ZFP36: variants seen among roughly 807,000 people sequenced by gnomAD.
The protein encoded by ZFP36 is mRNA decay activator protein ZFP36.
A neutral mutation model predicts 19.8 loss-of-function variants in ZFP36; 13 were observed. The ratio of observed to expected loss-of-function variants is 0.66; its 90% CI spans 0.43 to 1.04. ZFP36 has a LOEUF of 1.04. ZFP36 is among the 50% of genes least tolerant of loss of function. ZFP36 has a pLI of 0.00. For synonymous variants in ZFP36, 191 were observed against 194.5 expected, an observed-to-expected ratio of 0.98 and a Z score of 0.15; for missense variants, 354 against 441.6, an observed-to-expected ratio of 0.80 and a Z score of 1.78.
Position 39,406,933 on chromosome 19 carries a change from G to C in ZFP36, c.24+5G>C. On this transcript the variant is annotated splice_donor_5th_base_variant and intron_variant, in intron 1 of 1. Coordinates refer to ENST00000597629, the MANE Select transcript of ZFP36 (RefSeq NM_003407.5). ...GATCTGACTGCCATCTACGAGGTGAGTCCCCGCCGCACGGCATCCCCGGTA... is the reference window on the plus strand; with the variant it reads ...GATCTGACTGCCATCTACGAGGTGACTCCCCGCCGCACGGCATCCCCGGTA... The C allele has an allele frequency of 6.2e-7, 1 of 1,611,474 alleles. No homozygotes were observed. The highest frequency in any genetic ancestry group is 8.5e-7 in the Non-Finnish European group (1 of 1,179,306).
At position 39,407,846 on chromosome 19, in the gene ZFP36, C is replaced by T. The variant is rs576855622; in HGVS notation, c.128C>T (p.Ser43Phe). Reference protein sequence around the residue: ...GSSGPWSLSPSDSSPSGVTSR... With the variant: ...GSSGPWSLSPFDSSPSGVTSR... ...TCGGGACCCTGGAGCCTGAGCCCCT[C>T]CGACTCCAGCCCGTCTGGGGTCACC... Residue 43 changes from serine (S) to phenylalanine (F), a missense_variant, in exon 2 of 2, where the codon TCC becomes TTC. Transcript: ENST00000597629. The surrounding 1 kb of genome is among the most constrained non-coding windows in gnomAD (Gnocchi z 7.6). 176 of 1,606,280 alleles carry T rather than the reference C, an allele frequency of 1.1e-4. 3 individuals carry two copies. In the South Asian group the frequency reaches 1.8e-3, roughly 16 times the overall value.
chr19:39,406,964 A>G (rs769824832), intron 1 of ZFP36, 36 bp downstream of exon 1: 2 of 1,608,368 alleles, frequency 1.2e-6, no homozygotes, highest in Non-Finnish European at 1.7e-6. Flanking sequence ...CGGTACCTGC[A>G]TGCCTGAGTC....
At position 39,407,446 on chromosome 19, in the gene ZFP36, C is replaced by T. The variant is rs2078482733; in HGVS notation, c.25-297C>T. On this transcript the variant is annotated intron_variant, in intron 1 of 1. Coordinates refer to ENST00000597629, the MANE Select transcript of ZFP36 (RefSeq NM_003407.5). The surrounding 1 kb of genome is among the most constrained non-coding windows in gnomAD (Gnocchi z 7.6). ...GAGATCCCGACGCGTGGGTCATATC[C>T]GGGGAGGACAAGAGACCCAAAATTG... 2 of 422,560 alleles carry T rather than the reference C, an allele frequency of 4.7e-6. No homozygotes were observed. The highest frequency in any genetic ancestry group is 8.4e-6 in the Non-Finnish European group (2 of 238,850). The allele number at this position is 422,560 out of a possible 1,614,324, so 26.2% of individuals were successfully genotyped here. A position where few individuals can be genotyped will look rare whatever the true frequency, so the allele number is the denominator to read the frequency against.
At position 39,409,356 on chromosome 19, in the gene ZFP36, A is replaced by G. The variant is rs2078493867; in HGVS notation, c.*657A>G. ...ATTTAGTAATATATATTATTACCTT[A>G]AAAGTCTATTTTTGTGTTTTGGGCA... On this transcript the variant is annotated 3_prime_UTR_variant, in exon 2 of 2. Transcript: ENST00000597629. The G allele has an allele frequency of 6.6e-6, 1 of 152,198 alleles. No homozygotes were observed. Among genetic ancestry groups the G allele is most frequent in the African/African-American group, 2.4e-5 (1 of 41,410 alleles). 9.4% of individuals were successfully genotyped at this position (152,198 alleles called of 1,614,324 possible).
Position 39,408,653 on chromosome 19 carries a change from C to A in ZFP36, c.935C>A (p.Ala312Asp). The change falls in exon 2 of 2, where the codon GCC (alanine) becomes GAC (aspartate). Residue 312 changes from alanine (A) to aspartate (D), a missense_variant. Ala to Asp is a moderately radical substitution (Grantham distance 126). Coordinates refer to ENST00000597629, the MANE Select transcript of ZFP36 (RefSeq NM_003407.5). This position sits in a 1 kb window ranked among gnomAD's most constrained non-coding sequence, Gnocchi z 6.0. ...TTTGCACCACCCCAGCCCGTGGCAG[C>A]CCCCCGGCGACTCCCCATCTTCAAT... Reference protein sequence around the residue: ...GVFAPPQPVAAPRRLPIFNRI... With the variant: ...GVFAPPQPVADPRRLPIFNRI... The A allele has an allele frequency of 6.3e-7, 1 of 1,580,334 alleles. No individual in the cohort carries two copies. Among genetic ancestry groups the A allele is most frequent in the Non-Finnish European group, 8.6e-7 (1 of 1,166,390 alleles).
rs1402278123 is a variant in ZFP36 at position 39,408,386 on chromosome 19, G to A, written c.668G>A (p.Gly223Glu). 3 of 1,613,792 alleles carry A rather than the reference G, an allele frequency of 1.9e-6. No homozygotes were observed. Among genetic ancestry groups the A allele is most frequent in the Non-Finnish European group, 2.5e-6 (3 of 1,179,958 alleles). ...CCCTCCAGCTCCCCACCACCACCTG[G>A]GGACCTTCCACTGTCACCCTCTGCC... is the stretch of plus-strand genomic sequence containing the variant. Reference protein sequence around the residue: ...FSPSSSPPPPGDLPLSPSAFS... With the variant: ...FSPSSSPPPPEDLPLSPSAFS... Residue 223 changes from glycine (G) to glutamate (E), a missense_variant, in exon 2 of 2, where the codon GGG (glycine) becomes GAG (glutamate). Coordinates refer to ENST00000597629, the MANE Select transcript of ZFP36 (RefSeq NM_003407.5). This position sits in a 1 kb window ranked among gnomAD's most constrained non-coding sequence, Gnocchi z 6.0.
Position 39,408,127 on chromosome 19 carries a change from A to C in ZFP36, c.409A>C (p.Asn137His). ...AHGLGELRQA[N>H]RHPKYKTELC... ...TGGCCTGGGCGAGCTGCGCCAGGCC[A>C]ATCGCCACCCCAAATACAAGACGGA... is the stretch of plus-strand genomic sequence containing the variant. The change falls in exon 2 of 2, where the codon AAT (asparagine) becomes CAT (histidine). Residue 137 changes from asparagine (N) to histidine (H), a missense_variant. By Grantham distance (68) the Asn-to-His change is moderately conservative. Transcript: ENST00000597629. This position sits in a 1 kb window ranked among gnomAD's most constrained non-coding sequence, Gnocchi z 6.0. The C allele has an allele frequency of 6.2e-7, 1 of 1,613,932 alleles. No homozygotes were observed. Among genetic ancestry groups the C allele is most frequent in the Non-Finnish European group, 8.5e-7 (1 of 1,180,024 alleles).
Position 39,407,314 on chromosome 19 carries a change from C to G in ZFP36, c.24+386C>G. The stretch of plus-strand genomic sequence containing the variant: ...GGCTGAAGTCTCAGGGTGGGGGGAT[C>G]CGACTTCTGTCTCTCCAGTCCCTGA... On this transcript the variant is annotated intron_variant, in intron 1 of 1. Transcript: ENST00000597629. The surrounding 1 kb of genome is among the most constrained non-coding windows in gnomAD (Gnocchi z 7.6). 2 of 449,554 alleles carry G rather than the reference C, an allele frequency of 4.4e-6. No individual in the cohort carries two copies. Among genetic ancestry groups the G allele is most frequent in the Non-Finnish European group, 7.8e-6 (2 of 256,002 alleles). 27.8% of individuals were successfully genotyped at this position (449,554 alleles called of 1,614,324 possible). A position where few individuals can be genotyped will look rare whatever the true frequency, so the allele number is the denominator to read the frequency against.
chr19:39,408,177 G>T lies in ZFP36; in HGVS notation c.459G>T (p.Gln153His). 1 of 1,613,892 alleles carries T rather than the reference G, an allele frequency of 6.2e-7. No individual in the cohort carries two copies. The highest frequency in any genetic ancestry group is 8.5e-7 in the Non-Finnish European group (1 of 1,180,016). ...KTELCHKFYL[Q>H]GRCPYGSRCH... ...AACTCTGTCACAAGTTCTACCTCCAGGGCCGCTGCCCCTACGGCTCTCGCT... is the reference window on the plus strand; with the variant it reads ...AACTCTGTCACAAGTTCTACCTCCATGGCCGCTGCCCCTACGGCTCTCGCT... Residue 153 changes from glutamine to histidine, a missense_variant, in exon 2 of 2, where the codon CAG (glutamine) becomes CAT (histidine). Transcript: ENST00000597629. The surrounding 1 kb of genome is among the most constrained non-coding windows in gnomAD (Gnocchi z 6.0).
At position 39,407,523 on chromosome 19, in the gene ZFP36, G is replaced by A; in HGVS notation, c.25-220G>A. 2.0e-6 allele frequency: 1 copy of A among 487,892 alleles called. No individual in the cohort carries two copies. The highest frequency in any genetic ancestry group is 3.6e-6 in the Non-Finnish European group (1 of 276,980). 30.2% of individuals were successfully genotyped at this position (487,892 alleles called of 1,614,324 possible). ...GGGTCCCCCTCTTGGTCCAGCCGGGGAAGCCGGGATTCCTGGGTCCCTCGG... is the reference window on the plus strand; with the variant it reads ...GGGTCCCCCTCTTGGTCCAGCCGGGAAAGCCGGGATTCCTGGGTCCCTCGG... On this transcript the variant is annotated intron_variant, in intron 1 of 1. Coordinates refer to ENST00000597629, the MANE Select transcript of ZFP36 (RefSeq NM_003407.5). The surrounding 1 kb of genome is among the most constrained non-coding windows in gnomAD (Gnocchi z 7.6).
Position 39,408,243 on chromosome 19 carries a change from G to A in ZFP36, c.525G>A (p.Pro175=), listed in dbSNP as rs535257605. ...ACCCTAGCGAAGACCTGGCGGCCCC[G>A]GGCCACCCTCCTGTGCTTCGCCAGA... is the stretch of plus-strand genomic sequence containing the variant. ...IHNPSEDLAA[P]GHPPVLRQSI... is the part of the protein sequence containing the mutation. Residue 175 remains proline (P), a synonymous_variant, in exon 2 of 2, where the codon CCG becomes CCA. Transcript: ENST00000597629. The surrounding 1 kb of genome is among the most constrained non-coding windows in gnomAD (Gnocchi z 6.0). 35 of 1,613,754 alleles carry A rather than the reference G, an allele frequency of 2.2e-5. No homozygotes were observed. The highest frequency in any genetic ancestry group is 2.6e-5 in the Non-Finnish European group (31 of 1,179,960).
rs1307451962 is a variant in ZFP36 at position 39,408,504 on chromosome 19, G to C, written c.786G>C (p.Trp262Cys). 4 of 1,604,252 alleles carry C rather than the reference G, an allele frequency of 2.5e-6. No homozygotes were observed. Among genetic ancestry groups the C allele is most frequent in the Non-Finnish European group, 3.4e-6 (4 of 1,174,766 alleles). ...SCRRATPISV[W>C]GPLGGLVRTP... ...GAAGGGCCACTCCTATCAGCGTCTG[G>C]GGGCCCTTGGGTGGCCTGGTTCGGA... Residue 262 changes from tryptophan (W) to cysteine (C), a missense_variant, in exon 2 of 2, where the codon TGG (tryptophan) becomes TGC (cysteine). Physicochemically the swap from Trp to Cys is radical, Grantham distance 215. Transcript: ENST00000597629. This position sits in a 1 kb window ranked among gnomAD's most constrained non-coding sequence, Gnocchi z 6.0.
chr19:39,408,999 A>C lies in ZFP36; in HGVS notation c.*300A>C. Reference sequence around the variant, plus strand: ...TCTCCCCCACCTCTTCCCTGCCCAAATCTGTCTCCTAGAATCTTATGTGCT... The same window carrying C: ...TCTCCCCCACCTCTTCCCTGCCCAACTCTGTCTCCTAGAATCTTATGTGCT... On this transcript the variant is annotated 3_prime_UTR_variant, in exon 2 of 2. Transcript: ENST00000597629. The surrounding 1 kb of genome is among the most constrained non-coding windows in gnomAD (Gnocchi z 6.0). 7.6e-6 allele frequency: 2 copies of C among 261,688 alleles called. No homozygotes were observed. The highest frequency in any genetic ancestry group is 2.2e-5 in the African/African-American group (1 of 45,048). 16.2% of individuals were successfully genotyped at this position (261,688 alleles called of 1,614,324 possible). A position where few individuals can be genotyped will look rare whatever the true frequency, so the allele number is the denominator to read the frequency against.
At position 39,407,612 on chromosome 19, in the gene ZFP36, C is replaced by G; in HGVS notation, c.25-131C>G. On this transcript the variant is annotated intron_variant, in intron 1 of 1. Coordinates refer to ENST00000597629, the MANE Select transcript of ZFP36 (RefSeq NM_003407.5). The surrounding 1 kb of genome is among the most constrained non-coding windows in gnomAD (Gnocchi z 7.6). Reference sequence around the variant, plus strand: ...CTCTGGGTTCCTGGCATCCGGAACCCAGGGGTTTCTGCGGGCGGGTGGGGC... The same window carrying G: ...CTCTGGGTTCCTGGCATCCGGAACCGAGGGGTTTCTGCGGGCGGGTGGGGC... The G allele has an allele frequency of 1.2e-6, 1 of 815,206 alleles. No homozygotes were observed. Among genetic ancestry groups the G allele is most frequent in the East Asian group, 2.7e-5 (1 of 37,376 alleles). The allele number at this position is 815,206 out of a possible 1,614,324, so 50.5% of individuals were successfully genotyped here.
chr19:39,408,291 C>T lies in ZFP36; in HGVS notation c.573C>T (p.Pro191=), dbSNP rs2078488045. ...AGAGCATCAGCTTCTCCGGCCTGCC[C>T]TCTGGCCGCCGGACCTCACCACCAC... ...LRQSISFSGL[P]SGRRTSPPPP... Residue 191 remains proline, a synonymous_variant, in exon 2 of 2, where the codon CCC becomes CCT. Transcript: ENST00000597629. This position sits in a 1 kb window ranked among gnomAD's most constrained non-coding sequence, Gnocchi z 6.0. The T allele has an allele frequency of 1.2e-6, 2 of 1,613,282 alleles. No individual in the cohort carries two copies. The highest frequency in any genetic ancestry group is 1.7e-5 in the Admixed American group (1 of 59,996).
chr19:39,408,889 T>C lies in ZFP36; in HGVS notation c.*190T>C. ...CAGGTCCCCAAGTGTGCAAGCTCAG[T>C]ATTCATGATGGTGGGGGATGGAGTG... is the stretch of plus-strand genomic sequence containing the variant. On this transcript the variant is annotated 3_prime_UTR_variant, in exon 2 of 2. Coordinates refer to ENST00000597629, the MANE Select transcript of ZFP36 (RefSeq NM_003407.5). This position sits in a 1 kb window ranked among gnomAD's most constrained non-coding sequence, Gnocchi z 6.0. 2.0e-6 allele frequency: 1 copy of C among 494,236 alleles called. No homozygotes were observed. The highest frequency in any genetic ancestry group is 3.3e-5 in the East Asian group (1 of 30,182). The allele number at this position is 494,236 out of a possible 1,614,324, so 30.6% of individuals were successfully genotyped here. A position where few individuals can be genotyped will look rare whatever the true frequency, so the allele number is the denominator to read the frequency against.
chr19:39,408,239 C>T lies in ZFP36; in HGVS notation c.521C>T (p.Ala174Val), dbSNP rs757797502. ...FIHNPSEDLA[A>V]PGHPPVLRQS... ...CACAACCCTAGCGAAGACCTGGCGGCCCCGGGCCACCCTCCTGTGCTTCGC... is the reference window on the plus strand; with the variant it reads ...CACAACCCTAGCGAAGACCTGGCGGTCCCGGGCCACCCTCCTGTGCTTCGC... Residue 174 changes from alanine to valine, a missense_variant, in exon 2 of 2, where the codon GCC (alanine) becomes GTC (valine). Physicochemically the swap from Ala to Val is moderately conservative, Grantham distance 64. Transcript: ENST00000597629. The surrounding 1 kb of genome is among the most constrained non-coding windows in gnomAD (Gnocchi z 6.0). The T allele has an allele frequency of 1.2e-6, 2 of 1,613,842 alleles. No homozygotes were observed. The highest frequency in any genetic ancestry group is 8.5e-7 in the Non-Finnish European group (1 of 1,179,976).
intron 1 of ZFP36, 59 bp downstream of exon 1, chr19:39,406,987 T>C: frequency 6.3e-7 from 1 of 1,589,712 alleles, no homozygotes; most frequent in Non-Finnish European, 8.6e-7. Context: ...AGTCCCCACC[T>C]CTCTAGCGCC....
In ZFP36 at chr19:39,408,632, C is replaced by T. The variant is rs138417882; in HGVS notation, c.914C>T (p.Ala305Val). 205 of 1,603,260 alleles carry T rather than the reference C, an allele frequency of 1.3e-4. 1 individual carries two copies. In the Middle Eastern group the frequency reaches 1.8e-3, roughly 14 times the overall value. The stretch of plus-strand genomic sequence containing the variant: ...CCCGTCTTCGAGGCGGGAGTTTTTG[C>T]ACCACCCCAGCCCGTGGCAGCCCCC... ...DSPVFEAGVF[A>V]PPQPVAAPRR... Residue 305 changes from alanine (A) to valine (V), a missense_variant, in exon 2 of 2, where the codon GCA (alanine) becomes GTA (valine). Transcript: ENST00000597629. This position sits in a 1 kb window ranked among gnomAD's most constrained non-coding sequence, Gnocchi z 6.0.
Sources: gnomAD v4.1 joint callset for allele counts on GRCh38, gnomAD v4.1.1 for gene constraint, Gnocchi (gnomAD v3.1) non-coding constraint, MANE v1.5 for transcripts, NCBI Gene and HGNC (gene_info 2026-07-23, HGNC 2026-07-21) for gene names.